ADGRE3: variants seen among roughly 807,000 people sequenced by gnomAD.
The protein encoded by ADGRE3 is EGF-like module receptor 3.
In ADGRE3, 88 loss-of-function variants were observed where a neutral mutation model predicts 80.1. The ratio of observed to expected loss-of-function variants is 1.10; its 90% CI spans 0.93 to 1.31. The LOEUF (loss-of-function observed/expected upper bound fraction) is 1.31. Ranked by LOEUF, ADGRE3 falls within the 40% of genes most tolerant of loss-of-function variation. The pLI is 0.00. For synonymous variants in ADGRE3, 281 were observed against 294.8 expected, an observed-to-expected ratio of 0.95 and a Z score of 0.48; for missense variants, 715 against 776.5, an observed-to-expected ratio of 0.92 and a Z score of 0.94.
chr19:14,663,042 G>A (rs906518576), intron 3 of ADGRE3, among the ~76,000 whole-genome samples: 3 of 151,892 alleles, frequency 2.0e-5, no homozygotes, highest in Non-Finnish European at 2.9e-5. Flanking sequence ...TCGATCTGTT[G>A]CCCAGGCTGG....
At chr19:14,661,375 A>G (rs1343248556) in intron 4 of ADGRE3, among the ~76,000 whole-genome samples, 2 of 152,206 alleles carry the variant, frequency 1.3e-5, no homozygotes, top group African/African-American at 4.8e-5. Flanking sequence ...TTGAGTTCCC[A>G]GTTTTAGTTA....
chr19:14,607,410 A>C, the ADGRE3 span, among the ~76,000 whole-genome samples: 2 of 151,418 alleles, frequency 1.3e-5, no homozygotes, highest in East Asian at 3.9e-4. Flanking sequence ...TCACCGTGTT[A>C]GCCAGGATGG....
intron 7 of ADGRE3, among the ~76,000 whole-genome samples, chr19:14,650,007 CCCATCTCTCTCTTT>C (rs1417886429): frequency 2.8e-5 from 4 of 144,348 alleles, no homozygotes; most frequent in Non-Finnish European, 6.1e-5. Context: ...TCTCTCCCTC[CCCATCTCTCTCTTT>C]CCATCTCTCT....
At chr19:14,633,415 G>T in intron 11 of ADGRE3, 113 bp from the exon 12 acceptor site, 2 of 810,264 alleles carry the variant, frequency 2.5e-6, no homozygotes, top group South Asian at 1.8e-5. Flanking sequence ...TTGAAAGTCA[G>T]CTGATGACAG....
intron 4 of ADGRE3, among the ~76,000 whole-genome samples, chr19:14,660,248 C>T (rs1971906568): frequency 6.6e-6 from 1 of 152,076 alleles, no homozygotes; most frequent in Admixed American, 6.6e-5. Context: ...TAAAATAAGA[C>T]AAGTTTAAGA....
intron 14 of ADGRE3, among the ~76,000 whole-genome samples, chr19:14,627,654 C>T (rs1158845527): frequency 6.6e-6 from 1 of 151,764 alleles, no homozygotes; most frequent in Non-Finnish European, 1.5e-5. Context: ...GCTGGGATTA[C>T]AGGCACGAGC....
the ADGRE3 span, among the ~76,000 whole-genome samples, chr19:14,601,170 G>A: frequency 2.0e-5 from 3 of 151,164 alleles, no homozygotes; most frequent in Admixed American, 6.6e-5. Flanking sequence ...CCCAAAGTGC[G>A]GGGATTATAG....
At chr19:14,663,894 C>T (rs1972022280) in intron 2 of ADGRE3, among the ~76,000 whole-genome samples, 1 of 152,198 alleles carries the variant, frequency 6.6e-6, no homozygotes, top group South Asian at 2.1e-4. Context: ...TGGTTTGCTG[C>T]ACCCATTTAC....
chr19:14,644,307 CT>C (rs756448073), intron 8 of ADGRE3, 32 bp from the exon 9 acceptor site: 3 of 1,372,452 alleles, frequency 2.2e-6, no homozygotes, highest in Non-Finnish European at 2.9e-6. Flanking sequence ...GGCTCATTGT[CT>C]TTGTCTTTCT....
intron 15 of ADGRE3, among the ~76,000 whole-genome samples, chr19:14,621,404 G>A (rs931157309): frequency 7.9e-5 from 12 of 151,842 alleles, no homozygotes; most frequent in Non-Finnish European, 1.5e-4. Flanking sequence ...GCAGTGAGCC[G>A]AGATTGCACC....
intron 4 of ADGRE3, among the ~76,000 whole-genome samples, chr19:14,659,758 T>C (rs545608812): frequency 7.1e-4 from 99 of 139,744 alleles, no homozygotes; most frequent in Middle Eastern, 8.5e-3. Context: ...GAGGCAAAGG[T>C]TGCAGTGAGC....
intron 14 of ADGRE3, chr19:14,628,752 AC>A: frequency 3.0e-6 from 1 of 338,318 alleles, no homozygotes. Context: ...AGCCAGTGTT[AC>A]AAGGAAGGCT....
intron 4 of ADGRE3, 70 bp from the exon 5 acceptor site, chr19:14,658,620 G>A: frequency 1.7e-6 from 2 of 1,174,294 alleles, no homozygotes; most frequent in South Asian, 1.6e-5. Flanking sequence ...GGGCAGGTGG[G>A]GTAAGTAATG....
intron 1 of ADGRE3, among the ~76,000 whole-genome samples, chr19:14,672,545 C>G (rs1972284245): frequency 6.6e-6 from 1 of 152,246 alleles, no homozygotes; most frequent in Non-Finnish European, 1.5e-5. Flanking sequence ...CTGGCTGCCT[C>G]TGTCACCATC....
intron 7 of ADGRE3, among the ~76,000 whole-genome samples, chr19:14,648,512 A>T (rs1171298823): frequency 1.3e-5 from 2 of 152,078 alleles, no homozygotes; most frequent in Non-Finnish European, 2.9e-5. Context: ...TACCTACCTC[A>T]TTGGCTGCCT....
intron 2 of ADGRE3, among the ~76,000 whole-genome samples, chr19:14,667,530 G>T (rs1379194662): frequency 6.6e-6 from 1 of 152,094 alleles, no homozygotes; most frequent in East Asian, 1.9e-4. Flanking sequence ...ATGAGTTCAT[G>T]TCCTTTGCAG....
At chr19:14,632,868 G>A (rs892172518) in intron 13 of ADGRE3, 53 bp downstream of exon 13, 11 of 1,225,936 alleles carry the variant, frequency 9.0e-6, no homozygotes, top group Non-Finnish European at 1.3e-5. Flanking sequence ...TGGATATGTA[G>A]GAAGGACTGG....
the ADGRE3 span, among the ~76,000 whole-genome samples, chr19:14,601,172 GGATTATAGGT>G: frequency 6.6e-6 from 1 of 152,002 alleles, no homozygotes; most frequent in African/African-American, 2.4e-5. Flanking sequence ...CAAAGTGCGG[GGATTATAGGT>G]GTGAGCCACC....
chr19:14,600,203 C>A, the ADGRE3 span: 8 of 1,612,256 alleles, frequency 5.0e-6, no homozygotes, highest in Non-Finnish European at 6.8e-6. Flanking sequence ...CCCACTGAAC[C>A]TTTGAGAACC....
Sources: gnomAD v4.1 joint callset for allele counts (sites outside exome capture counted in the v4.1 genomes callset) on GRCh38, gnomAD v4.1.1 for gene constraint, MANE v1.5 for transcripts, NCBI Gene and HGNC (gene_info 2026-07-23, HGNC 2026-07-21) for gene names.